Variants in FSIP1 observed in about 807,000 individuals in gnomAD.
FSIP1 encodes the protein fibrous sheath interacting protein 1, also known as fibrous sheath-interacting protein 1.
Under a neutral mutation model 60.9 loss-of-function variants are expected in FSIP1, and 65 were observed. The ratio of observed to expected loss-of-function variants is 1.07; its 90% CI spans 0.87 to 1.31. FSIP1 has a LOEUF of 1.31. Ranked by LOEUF, FSIP1 falls within the 40% of genes most tolerant of loss-of-function variation. The pLI, the probability that FSIP1 is intolerant of heterozygous loss-of-function variation, is 0.00. For missense variants in FSIP1, 675 were observed against 665.5 expected, an observed-to-expected ratio of 1.01 and a Z score of -0.16; for synonymous variants, 209 against 221.2, an observed-to-expected ratio of 0.94 and a Z score of 0.49.
At chr15:39,672,596 A>G (rs16969546) in intron 10 of FSIP1, among the ~76,000 whole-genome samples, 7,408 of 152,294 alleles carry the variant, frequency 0.049, 611 homozygotes, top group African/African-American at 0.17. Flanking sequence ...TATACTTGGA[A>G]ATGCAAAAAT....
chr15:39,629,912 A>C (rs1359872396), intron 10 of FSIP1, among the ~76,000 whole-genome samples: 1 of 152,238 alleles, frequency 6.6e-6, no homozygotes, highest in Non-Finnish European at 1.5e-5. Flanking sequence ...GACAAATTTC[A>C]TCAGATCTGA....
In FSIP1 at chr15:39,738,077, C is replaced by A. The variant is rs1896674419; in HGVS notation, c.891+14G>T. The A allele has an allele frequency of 1.4e-6, 2 of 1,431,602 alleles. No individual in the cohort carries two copies. The highest frequency in any genetic ancestry group is 2.0e-6 in the Non-Finnish European group (2 of 1,023,796). The allele number at this position is 1,431,602 out of a possible 1,614,324, so 88.7% of individuals were successfully genotyped here. On this transcript the variant is annotated intron_variant, in intron 8 of 11. Transcript: ENST00000350221. ...AATTAAGAAGTGTAGTGTTCCCTAT[C>A]AGAGTTTACGTACCTCAGAACTGGA...
chr15:39,752,281 T>C lies in FSIP1; in HGVS notation c.560-10381A>G, dbSNP rs567100762. Among the ~76,000 whole-genome samples the C allele has an allele frequency of 1.3e-4, 20 of 152,108 alleles. No homozygotes were observed. In the South Asian group the frequency reaches 3.9e-3, roughly 30 times the overall value. The stretch of plus-strand genomic sequence containing the variant: ...GAGTTGATTTCTGTACATGGTAAGT[T>C]AGAGATCCAGTTTTATCTCTCTTCC... On this transcript the variant is annotated intron_variant, in intron 5 of 11. Coordinates refer to ENST00000350221, the MANE Select transcript of FSIP1 (RefSeq NM_152597.5).
At chr15:39,731,123 A>G (rs1463303617) in intron 8 of FSIP1, among the ~76,000 whole-genome samples, 1 of 152,208 alleles carries the variant, frequency 6.6e-6, no homozygotes, top group Non-Finnish European at 1.5e-5. Context: ...GTATATCAAT[A>G]TAAGGATTAT....
chr15:39,772,990 T>C lies in FSIP1; in HGVS notation c.127-2380A>G, dbSNP rs144026435. ...ATGAAACCCCTTACTAGTATTTAGA[T>C]TCCTACTTGAAACCCATGGGATTTT... On this transcript the variant is annotated intron_variant, in intron 2 of 11. Coordinates refer to ENST00000350221, the MANE Select transcript of FSIP1 (RefSeq NM_152597.5). Among the ~76,000 whole-genome samples the C allele has an allele frequency of 5.1e-3, 771 of 152,234 alleles. 8 individuals carry two copies. Among genetic ancestry groups the C allele is most frequent in the African/African-American group, 0.018 (747 of 41,530 alleles).
At chr15:39,693,181 C>T (rs930055498) in intron 10 of FSIP1, among the ~76,000 whole-genome samples, 1 of 152,228 alleles carries the variant, frequency 6.6e-6, no homozygotes, top group African/African-American at 2.4e-5. Context: ...CAGTCTTGCA[C>T]TGACAGCAAT....
chr15:39,676,172 C>CA (rs11369072), intron 10 of FSIP1, among the ~76,000 whole-genome samples: 33,454 of 112,660 alleles, frequency 0.3, 5,381 homozygotes, highest in African/African-American at 0.38. Context: ...GACTCCATCT[C>CA]AAAAAAAAAA....
intron 10 of FSIP1, among the ~76,000 whole-genome samples, chr15:39,673,404 C>T (rs1437300275): frequency 1.3e-5 from 2 of 152,208 alleles, no homozygotes; most frequent in Non-Finnish European, 2.9e-5. Flanking sequence ...GCCTCAAACT[C>T]CTGGGCTCAA....
chr15:39,624,223 A>G (rs370302151), intron 10 of FSIP1, among the ~76,000 whole-genome samples: 6 of 152,296 alleles, frequency 3.9e-5, no homozygotes, highest in African/African-American at 1.2e-4. Flanking sequence ...CAAAAATATC[A>G]TATTTTTGAA....
At chr15:39,602,701 G>A (rs1890684379) in intron 11 of FSIP1, among the ~76,000 whole-genome samples, 1 of 152,160 alleles carries the variant, frequency 6.6e-6, no homozygotes, top group African/African-American at 2.4e-5. Context: ...GCCTTCGTAA[G>A]TGCTATTCTC....
At chr15:39,662,025 T>C (rs1399691047) in intron 10 of FSIP1, among the ~76,000 whole-genome samples, 1 of 152,088 alleles carries the variant, frequency 6.6e-6, no homozygotes, top group Admixed American at 6.5e-5. Flanking sequence ...ATAACACAAA[T>C]GAATGAGTCA....
chr15:39,752,753 G>T (rs769033711), intron 5 of FSIP1, among the ~76,000 whole-genome samples: 4 of 151,916 alleles, frequency 2.6e-5, no homozygotes, highest in Non-Finnish European at 4.4e-5. Flanking sequence ...AACAAAAAAC[G>T]GACATTAAGT....
intron 10 of FSIP1, among the ~76,000 whole-genome samples, chr15:39,646,678 A>G (rs1363302546): frequency 1.3e-5 from 2 of 151,614 alleles, no homozygotes; most frequent in Non-Finnish European, 2.9e-5. Flanking sequence ...CATGGGATAC[A>G]GAGTGACACT....
intron 9 of FSIP1, among the ~76,000 whole-genome samples, chr15:39,714,881 G>A (rs1895674302): frequency 6.7e-6 from 1 of 149,776 alleles, no homozygotes; most frequent in Non-Finnish European, 1.5e-5. Flanking sequence ...GCTGAGGTGG[G>A]AGGATCACTT....
chr15:39,713,308 T>C, intron 10 of FSIP1, 136 bp downstream of exon 10: 1 of 665,654 alleles, frequency 1.5e-6, no homozygotes, highest in East Asian at 3.0e-5. Flanking sequence ...GGCCCACACC[T>C]GTAATCCTAG....
intron 9 of FSIP1, among the ~76,000 whole-genome samples, chr15:39,723,563 T>G (rs1595663566): frequency 6.6e-6 from 1 of 152,332 alleles, no homozygotes; most frequent in East Asian, 1.9e-4. Flanking sequence ...AGTATTTTAT[T>G]TGCCTGATTC....
chr15:39,769,062 G>A (rs28884199), intron 3 of FSIP1, among the ~76,000 whole-genome samples: 1 of 151,946 alleles, frequency 6.6e-6, no homozygotes, highest in East Asian at 1.9e-4. Flanking sequence ...GGCAGATCAC[G>A]AGGTCAGGAG....
intron 9 of FSIP1, among the ~76,000 whole-genome samples, chr15:39,719,827 C>T (rs1023269910): frequency 5.3e-5 from 8 of 152,142 alleles, no homozygotes; most frequent in African/African-American, 1.9e-4. Context: ...CAGAGGAAAG[C>T]AAAGAAATAT....
chr15:39,715,030 G>T (rs113937720), intron 9 of FSIP1, among the ~76,000 whole-genome samples: 94 of 148,836 alleles, frequency 6.3e-4, no homozygotes, highest in African/African-American at 2.2e-3. Flanking sequence ...ACCTACTTGA[G>T]AATTCAAGAA....
Sources: gnomAD v4.1 joint callset for allele counts (sites outside exome capture counted in the v4.1 genomes callset) on GRCh38, gnomAD v4.1.1 for gene constraint, MANE v1.5 for transcripts, NCBI Gene and HGNC (gene_info 2026-07-23, HGNC 2026-07-21) for gene names.